The following ITCH variants were observed in gnomAD, a reference collection of about 807,000 sequenced individuals.
ITCH encodes itchy E3 ubiquitin protein ligase, also known as E3 ubiquitin-protein ligase Itchy homolog.
ITCH carries 28 observed loss-of-function variants against 126.8 expected under a neutral mutation model. The observed-to-expected ratio is 0.22, with a 90% confidence interval of 0.16 to 0.30. ITCH has a LOEUF of 0.30. Ranked by LOEUF, ITCH falls within the 10% of genes least tolerant of loss-of-function variation. ITCH has a pLI of 1.00. For synonymous variants in ITCH, 342 were observed against 340.0 expected (o/e 1.01, Z -0.06); for missense variants, 631 against 1,032.4 (o/e 0.61, Z 5.33).
At chr20:34,432,860 G>A (rs951714573) in intron 7 of ITCH, among the ~76,000 whole-genome samples, 4 of 152,214 alleles carry the variant, frequency 2.6e-5, no homozygotes, top group Admixed American at 2.0e-4. Context: ...AAAAGGCTGA[G>A]TCAGGAGAAT....
chr20:34,478,150 G>C (rs932292255), intron 17 of ITCH, among the ~76,000 whole-genome samples: 1 of 152,086 alleles, frequency 6.6e-6, no homozygotes, highest in African/African-American at 2.4e-5. Flanking sequence ...CTCACCTAAG[G>C]CACATAATAA....
At chr20:34,381,382 A>G (rs1056889467) in intron 2 of ITCH, among the ~76,000 whole-genome samples, 1 of 151,860 alleles carries the variant, frequency 6.6e-6, no homozygotes, top group Admixed American at 6.6e-5. Flanking sequence ...TCCCAGGATC[A>G]AGTGATTCTC....
At position 34,490,035 on chromosome 20, in the gene ITCH, C is replaced by T. The variant is rs79348870; in HGVS notation, c.2319+109C>T. The T allele has an allele frequency of 1.3e-5, 10 of 743,470 alleles. No individual in the cohort carries two copies. The East Asian group carries it at 2.1e-4, about 16-fold the overall frequency. The allele number at this position is 743,470 out of a possible 1,614,324, so 46.1% of individuals were successfully genotyped here. On this transcript the variant is annotated intron_variant, in intron 22 of 24. Coordinates refer to ENST00000374864, the MANE Select transcript of ITCH (RefSeq NM_031483.7). Reference sequence around the variant, plus strand: ...TCAAAATGTACCAGTGTATATAGACCCCTTAGTCCATGCATTATAATAAAT... The same window carrying T: ...TCAAAATGTACCAGTGTATATAGACTCCTTAGTCCATGCATTATAATAAAT...
chr20:34,377,133 C>T (rs1444472744), intron 2 of ITCH, among the ~76,000 whole-genome samples: 1 of 151,438 alleles, frequency 6.6e-6, no homozygotes, highest in Non-Finnish European at 1.5e-5. Context: ...CAGCACTTTG[C>T]GAGGCTGAGG....
In ITCH at chr20:34,411,982, G is replaced by A. The variant is rs568428758; in HGVS notation, c.213-533G>A. 1.2e-4 allele frequency among the ~76,000 whole-genome samples: 18 copies of A among 152,280 alleles called. No individual in the cohort carries two copies. In the South Asian group the frequency reaches 1.5e-3, roughly 12 times the overall value. On this transcript the variant is annotated intron_variant, in intron 4 of 24. Coordinates refer to ENST00000374864, the MANE Select transcript of ITCH (RefSeq NM_031483.7). ...GTAATCTTCAAATCATGTAGCTGAC[G>A]TGAGGAACTTTTTAATATAAAGTTT...
chr20:34,424,113 G>C (rs1981162320), intron 6 of ITCH, among the ~76,000 whole-genome samples: 1 of 152,056 alleles, frequency 6.6e-6, no homozygotes, highest in Non-Finnish European at 1.5e-5. Context: ...ATTTTATTCT[G>C]CTGGCGATCA....
At chr20:34,409,146 C>G (rs890937296) in intron 4 of ITCH, among the ~76,000 whole-genome samples, 1 of 138,028 alleles carries the variant, frequency 7.2e-6, no homozygotes, top group Non-Finnish European at 1.6e-5. Flanking sequence ...TACTCCCCCC[C>G]CCCCCGGTTT....
At chr20:34,391,451 G>T (rs966753682) in intron 2 of ITCH, among the ~76,000 whole-genome samples, 1 of 152,066 alleles carries the variant, frequency 6.6e-6, no homozygotes, top group Non-Finnish European at 1.5e-5. Flanking sequence ...TTGTTCTGCA[G>T]CTTTAAAGAT....
At chr20:34,452,692 G>T (rs1372695787) in intron 12 of ITCH, among the ~76,000 whole-genome samples, 1 of 152,122 alleles carries the variant, frequency 6.6e-6, no homozygotes, top group Non-Finnish European at 1.5e-5. Flanking sequence ...TTAGAGATGG[G>T]GGTCTCCCTG....
chr20:34,376,302 G>A (rs2037842402), intron 2 of ITCH, among the ~76,000 whole-genome samples: 1 of 151,954 alleles, frequency 6.6e-6, no homozygotes, highest in South Asian at 2.1e-4. Context: ...CATGATGGTG[G>A]TGTGCGCCTA....
chr20:34,459,527 C>T (rs1175745746), intron 13 of ITCH, among the ~76,000 whole-genome samples: 3 of 152,170 alleles, frequency 2.0e-5, no homozygotes, highest in Non-Finnish European at 4.4e-5. Context: ...ATTCCCAATA[C>T]GCAGTGCATT....
rs1464679906 is a variant in ITCH, at chr20:34,363,317, G to T, written c.-131G>T. The T allele has an allele frequency of 1.3e-5, 2 of 152,526 alleles. No homozygotes were observed. 9.4% of individuals were successfully genotyped at this position (152,526 alleles called of 1,614,324 possible). A position where few individuals can be genotyped will look rare whatever the true frequency, so the allele number is the denominator to read the frequency against. ...CGGGACCGGCTGCCATCTTAGTCTA[G>T]GGACTGAGGAGTCGCCGCCGCCCCG... On this transcript the variant is annotated 5_prime_UTR_variant, in exon 1 of 25. It adds an upstream start codon to the 5' untranslated region. Coordinates refer to ENST00000374864, the MANE Select transcript of ITCH (RefSeq NM_031483.7).
At chr20:34,447,212 A>G (rs1984571969) in intron 11 of ITCH, among the ~76,000 whole-genome samples, 1 of 148,194 alleles carries the variant, frequency 6.7e-6, no homozygotes, top group Non-Finnish European at 1.5e-5. Context: ...CTCCTTCATC[A>G]TCCTGTCCCC....
chr20:34,385,221 G>GT (rs1555851587), intron 2 of ITCH, among the ~76,000 whole-genome samples: 240 of 30,104 alleles, frequency 8.0e-3, no homozygotes, highest in East Asian at 0.013. Context: ...GTGTGTGTGT[G>GT]GTTTTTTTTT....
In ITCH at chr20:34,470,173, A is replaced by AT. The variant is rs1987484020; in HGVS notation, c.1497+54dup. Reference sequence around the variant, plus strand: ...TGCCTTAACTTTGTTGTGTTGCTTTATATTACACAGTGATTGTGAAAATAC... The same window carrying AT: ...TGCCTTAACTTTGTTGTGTTGCTTTATTATTACACAGTGATTGTGAAAATAC... On this transcript the variant is annotated intron_variant, in intron 15 of 24. Coordinates refer to ENST00000374864, the MANE Select transcript of ITCH (RefSeq NM_031483.7). The AT allele has an allele frequency of 1.1e-5, 13 of 1,183,968 alleles. No individual in the cohort carries two copies. The South Asian group carries it at 1.5e-4, about 13-fold the overall frequency. 73.3% of individuals were successfully genotyped at this position (1,183,968 alleles called of 1,614,324 possible).
chr20:34,432,552 A>G (rs930368569), intron 7 of ITCH, among the ~76,000 whole-genome samples: 1 of 152,234 alleles, frequency 6.6e-6, no homozygotes, highest in African/African-American at 2.4e-5. Flanking sequence ...TTGCTTACCA[A>G]ATTGGCAAAG....
Position 34,479,695 on chromosome 20 carries a change from G to A in ITCH, c.1724G>A (p.Gly575Glu). 6.2e-7 allele frequency: 1 copy of A among 1,613,174 alleles called. No individual in the cohort carries two copies. The highest frequency in any genetic ancestry group is 8.5e-7 in the Non-Finnish European group (1 of 1,179,218). ...NPMYCLFEYA[G>E]KDNYCLQINP... ...ATGTATTGCCTGTTTGAATATGCAG[G>A]GAAGGATAACTACTGCTTGCAGATA... The change falls in exon 18 of 25, where the codon GGG becomes GAG. Residue 575 changes from glycine (G) to glutamate (E), a missense_variant. By Grantham distance (98) the Gly-to-Glu change is moderately conservative. Coordinates refer to ENST00000374864, the MANE Select transcript of ITCH (RefSeq NM_031483.7).
At chr20:34,475,647 AAG>A (rs1463472159) in intron 16 of ITCH, among the ~76,000 whole-genome samples, 9 of 151,612 alleles carry the variant, frequency 5.9e-5, no homozygotes, top group East Asian at 5.9e-4. Flanking sequence ...AGACCGTGGA[AAG>A]AGAGGGAGAG....
At chr20:34,412,489 T>A (rs748225633) in intron 4 of ITCH, 26 bp from the exon 5 acceptor site, 1 of 1,529,746 alleles carries the variant, frequency 6.5e-7, no homozygotes, top group East Asian at 2.3e-5. Context: ...AAAAATAATA[T>A]TTTTTCCCTC....
Sources: allele counts gnomAD v4.1 joint callset (sites outside exome capture counted in the v4.1 genomes callset), GRCh38; gene constraint gnomAD v4.1.1; transcripts MANE v1.5; gene names NCBI Gene and HGNC (gene_info 2026-07-23, HGNC 2026-07-21).